The following CAPRIN2 variants were observed in gnomAD, a reference collection of about 807,000 sequenced individuals.
The protein encoded by CAPRIN2 is caprin-2.
A neutral mutation model predicts 130.4 loss-of-function variants in CAPRIN2; 66 were observed. That is an observed-to-expected ratio of 0.51 (90% CI 0.42 to 0.62). CAPRIN2 has a LOEUF of 0.62. CAPRIN2 is among the 20% of genes least tolerant of loss of function. The pLI is 0.00. For synonymous variants in CAPRIN2, 471 were observed against 444.1 expected, an observed-to-expected ratio of 1.06 and a Z score of -0.76; for missense variants, 1,185 against 1,246.6, an observed-to-expected ratio of 0.95 and a Z score of 0.74.
intron 14 of CAPRIN2, 82 bp downstream of exon 16, chr12:30,714,877 C>A: frequency 1.8e-6 from 2 of 1,134,088 alleles, no homozygotes; most frequent in South Asian, 1.5e-5. Context: ...CAAAAGGGAG[C>A]AAGGTTAGGT....
At position 30,710,317 on chromosome 12, in the gene CAPRIN2, T is replaced by C. The variant is rs200055967; in HGVS notation, c.2819A>G (p.Tyr940Cys). The change falls in exon 17 of 17, where the codon TAC (tyrosine) becomes TGC (cysteine). Residue 940 changes from tyrosine (Y) to cysteine (C), a missense_variant. Tyr to Cys is a radical substitution (Grantham distance 194). Transcript: ENST00000298892. The surrounding 1 kb of genome is among the most constrained non-coding windows in gnomAD (Gnocchi z 4.8). ...AACTCGCATCTGCTGAGGCAGAGGG[T>C]AGACGTGTACTGGCAGTATGGTGGC... 6 of 1,614,094 alleles carry C rather than the reference T, an allele frequency of 3.7e-6. No individual in the cohort carries two copies. Among genetic ancestry groups the C allele is most frequent in the East Asian group, 2.2e-5 (1 of 44,858 alleles).
At chr12:30,728,935 C>G in exon 8 of CAPRIN2, 1 of 1,614,114 alleles carries the variant, frequency 6.2e-7, no homozygotes. Flanking sequence ...TGCAGCTGAA[C>G]TGGCCACAGC....
intron 3 of CAPRIN2, 44 bp from the exon 5 acceptor site, chr12:30,735,250 T>A (rs2064201698): frequency 7.0e-7 from 1 of 1,433,992 alleles, no homozygotes; most frequent in East Asian, 2.3e-5. Flanking sequence ...TTCTCTACCA[T>A]CCCATATTAG....
exon 8 of CAPRIN2, chr12:30,729,026 AGATGGC>A (rs1319159554): frequency 1.2e-6 from 2 of 1,614,036 alleles, no homozygotes; most frequent in Non-Finnish European, 1.7e-6. Flanking sequence ...ACTGGCTAGG[AGATGGC>A]TTGGATTTGG....
intron 3 of CAPRIN2, among the ~76,000 whole-genome samples, chr12:30,737,704 TCTC>T (rs1368358851): frequency 6.6e-6 from 1 of 151,140 alleles, no homozygotes; most frequent in Non-Finnish European, 1.5e-5. Flanking sequence ...TTCACGCCAT[TCTC>T]CTGTCTCAGC....
chr12:30,737,103 C>CA (rs1314050114), intron 3 of CAPRIN2, among the ~76,000 whole-genome samples: 4 of 151,984 alleles, frequency 2.6e-5, no homozygotes, highest in African/African-American at 9.7e-5. Context: ...CTCTTGAGCT[C>CA]AAGTGATCCT....
rs538664115 is a variant in CAPRIN2, at chr12:30,738,216, T to TA, written c.570+2803dup. ...TTTATCATGTCACCTAAAATGAAAG[T>TA]AAATCTCAAACACAGGCAAGTAAAA... is the stretch of plus-strand genomic sequence containing the variant. On this transcript the variant is annotated intron_variant, in intron 3 of 16. Transcript: ENST00000298892. Among the ~76,000 whole-genome samples the TA allele has an allele frequency of 4.2e-3, 634 of 151,798 alleles. 6 individuals carry two copies. The highest frequency in any genetic ancestry group is 0.017 in the Middle Eastern group (5 of 294).
intron 13 of CAPRIN2, 146 bp from the exon 16 acceptor site, chr12:30,715,287 C>A: frequency 3.0e-6 from 2 of 666,666 alleles, no homozygotes; most frequent in Non-Finnish European, 5.2e-6. Context: ...TATAATTCAT[C>A]TACATGACTC....
At chr12:30,749,048 C>G (rs187357294) in intron 2 of CAPRIN2, among the ~76,000 whole-genome samples, 1,670 of 152,170 alleles carry the variant, frequency 0.011, 15 homozygotes, top group Non-Finnish European at 0.017. Context: ...GAGGTGAGAA[C>G]AGATCTCACT....
intron 1 of CAPRIN2, chr12:30,751,337 G>T: frequency 3.6e-6 from 2 of 558,716 alleles, no homozygotes. Context: ...CATGAGTCTG[G>T]AATTACAAAA....
chr12:30,742,076 A>C (rs2067727022), intron 2 of CAPRIN2, among the ~76,000 whole-genome samples: 1 of 152,156 alleles, frequency 6.6e-6, no homozygotes, highest in South Asian at 2.1e-4. Flanking sequence ...CAGAAAAGAC[A>C]AATTTTTAAA....
intron 12 of CAPRIN2, among the ~76,000 whole-genome samples, chr12:30,717,979 G>A (rs901578358): frequency 2.6e-5 from 4 of 152,120 alleles, no homozygotes; most frequent in Non-Finnish European, 4.4e-5. Context: ...ACAGTGCCTG[G>A]TTTTGTAACT....
At chr12:30,718,590 G>A (rs149272335) in intron 12 of CAPRIN2, among the ~76,000 whole-genome samples, 149 of 152,234 alleles carry the variant, frequency 9.8e-4, no homozygotes, top group East Asian at 5.8e-3. Flanking sequence ...AGAAAAATAC[G>A]TAATTCAAAA....
rs1226851672 is a variant in CAPRIN2, at chr12:30,710,002, A to T, written c.3134T>A (p.Phe1045Tyr). The change falls in exon 17 of 17, where the codon TTC (phenylalanine) becomes TAC (tyrosine). Residue 1045 changes from phenylalanine (F) to tyrosine (Y), a missense_variant. By Grantham distance (22) the Phe-to-Tyr change is conservative. This residue lies in a region of CAPRIN2 where 81 missense variants were observed against 142.2 expected (regional missense o/e 0.57). Coordinates refer to ENST00000298892, the Ensembl canonical transcript of CAPRIN2. The surrounding 1 kb of genome is among the most constrained non-coding windows in gnomAD (Gnocchi z 4.8). The stretch of plus-strand genomic sequence containing the variant: ...ACGTAACCATATCTGGTCTCCCTGG[A>T]AGAGCTGAAGAATTGCATGATTGCT... 6.2e-7 allele frequency: 1 copy of T among 1,614,124 alleles called. No individual in the cohort carries two copies.
intron 2 of CAPRIN2, among the ~76,000 whole-genome samples, chr12:30,749,652 A>G (rs1325009758): frequency 6.6e-6 from 1 of 152,226 alleles, no homozygotes; most frequent in African/African-American, 2.4e-5. Flanking sequence ...TCAAGCCATC[A>G]ACTGACATAG....
intron 12 of CAPRIN2, chr12:30,720,157 C>G (rs544125606): frequency 6.6e-6 from 1 of 152,304 alleles, no homozygotes; most frequent in South Asian, 2.1e-4. Context: ...GTGGCACAAT[C>G]TCTGCAACCC....
At chr12:30,723,708 G>C (rs2060080283) in intron 10 of CAPRIN2, among the ~76,000 whole-genome samples, 1 of 152,048 alleles carries the variant, frequency 6.6e-6, no homozygotes, top group South Asian at 2.1e-4. Flanking sequence ...CATCCATTCA[G>C]TTTTTTTCTG....
At chr12:30,742,668 CAACTCT>C (rs1198923899) in intron 2 of CAPRIN2, among the ~76,000 whole-genome samples, 5 of 148,394 alleles carry the variant, frequency 3.4e-5, no homozygotes, top group African/African-American at 1.2e-4. Context: ...AAAAAAAACA[CAACTCT>C]AACAGGGCAG....
At position 30,711,550 on chromosome 12, in the gene CAPRIN2, A is replaced by G; in HGVS notation, c.2665+16T>C. 1 of 1,598,938 alleles carries G rather than the reference A, an allele frequency of 6.3e-7. No individual in the cohort carries two copies. ...CATGTGCTGGGTAAGAAAACTATTC[A>G]GCTAATTACCCTTACCTCTCGAATT... On this transcript the variant is annotated intron_variant, in intron 16 of 16. Coordinates refer to ENST00000298892, the Ensembl canonical transcript of CAPRIN2.
Sources: gnomAD v4.1 joint callset for allele counts (sites outside exome capture counted in the v4.1 genomes callset) on GRCh38, gnomAD v4.1.1 for gene constraint, gnomAD v4.1.1 regional missense constraint, Gnocchi (gnomAD v3.1) non-coding constraint, MANE v1.5 for transcripts, NCBI Gene and HGNC (gene_info 2026-07-23, HGNC 2026-07-21) for gene names.